The following MRPS28 variants were observed in gnomAD, a reference collection of about 807,000 sequenced individuals.
MRPS28 encodes mitochondrial ribosomal protein S28.
A neutral mutation model predicts 10.8 loss-of-function variants in MRPS28; 7 were observed. The observed-to-expected ratio is 0.65, with a 90% CI of 0.37 to 1.22. The LOEUF (loss-of-function observed/expected upper bound fraction) is 1.22. MRPS28 is among the 50% of genes most tolerant of loss of function. The pLI is 0.02. For synonymous variants in MRPS28, 121 were observed against 93.3 expected, an observed-to-expected ratio of 1.30 and a Z score of -1.71; for missense variants, 265 against 232.9, an observed-to-expected ratio of 1.14 and a Z score of -0.90.
At chr8:79,932,354 A>C (rs1806485077) in intron 2 of MRPS28, among the ~76,000 whole-genome samples, 1 of 152,212 alleles carries the variant, frequency 6.6e-6, no homozygotes, top group Admixed American at 6.5e-5. Flanking sequence ...AAGAGGGGAC[A>C]TTTAATGACA....
intron 1 of MRPS28, among the ~76,000 whole-genome samples, chr8:80,023,827 C>A (rs1022976576): frequency 6.6e-6 from 1 of 152,054 alleles, no homozygotes; most frequent in Non-Finnish European, 1.5e-5. Flanking sequence ...TAGCACAGCT[C>A]CCAATTGCCT....
At chr8:79,999,668 G>A (rs1298181585) in intron 2 of MRPS28, among the ~76,000 whole-genome samples, 1 of 152,166 alleles carries the variant, frequency 6.6e-6, no homozygotes, top group Non-Finnish European at 1.5e-5. Context: ...TCGATAAAGA[G>A]CTGGAGTTGT....
Position 80,004,301 on chromosome 8 carries a change from A to G in MRPS28, c.214-1121T>C, listed in dbSNP as rs186159901. ...TCTGAGACGAAGCTTCCAGAGGAAC[A>G]ATCAGGCAGCAACATTTGCTGTTCA... On this transcript the variant is annotated intron_variant, in intron 1 of 2. Transcript: ENST00000276585. Among the ~76,000 whole-genome samples the G allele has an allele frequency of 1.5e-3, 233 of 152,312 alleles. 1 individual carries two copies. The highest frequency in any genetic ancestry group is 2.5e-3 in the Non-Finnish European group (171 of 68,022).
chr8:79,945,836 C>T (rs1333668467), intron 2 of MRPS28, among the ~76,000 whole-genome samples: 2 of 152,042 alleles, frequency 1.3e-5, no homozygotes, highest in African/African-American at 4.8e-5. Flanking sequence ...TCAAGTAATC[C>T]TGTGCAAATT....
At chr8:79,921,862 C>G (rs985177950) in intron 2 of MRPS28, among the ~76,000 whole-genome samples, 5 of 152,092 alleles carry the variant, frequency 3.3e-5, no homozygotes, top group Admixed American at 6.6e-5. Flanking sequence ...TCTTGTGCCA[C>G]TTTTCAAAGG....
chr8:79,930,421 A>C (rs1806432380), intron 2 of MRPS28, among the ~76,000 whole-genome samples: 1 of 152,240 alleles, frequency 6.6e-6, no homozygotes, highest in Non-Finnish European at 1.5e-5. Flanking sequence ...ATATGTAGCA[A>C]GCATTCTATA....
chr8:80,029,886 G>C (rs1055678607), intron 1 of MRPS28, 150 bp downstream of exon 1: 2 of 1,536,498 alleles, frequency 1.3e-6, no homozygotes, highest in South Asian at 1.2e-5. Context: ...TAGGGGCCGA[G>C]GGCTGAGCCA....
intron 2 of MRPS28, among the ~76,000 whole-genome samples, chr8:79,935,828 C>G (rs951072476): frequency 6.6e-6 from 1 of 151,904 alleles, no homozygotes; most frequent in East Asian, 1.9e-4. Context: ...AAAGACTTTT[C>G]TGGTATGTTT....
In MRPS28 at chr8:79,980,107, C is replaced by A. The variant is rs181616152; in HGVS notation, c.395+22892G>T. Among the ~76,000 whole-genome samples the A allele has an allele frequency of 2.6e-3, 401 of 152,196 alleles. 4 individuals are homozygous for A. The highest frequency in any genetic ancestry group is 0.021 in the South Asian group (102 of 4,822). On this transcript the variant is annotated intron_variant, in intron 2 of 2. Transcript: ENST00000276585. The stretch of plus-strand genomic sequence containing the variant: ...TGTAAAGCATAGTATCTGTCTGACA[C>A]ATAGAAAAGGTTCAATAATGCCAGC...
At chr8:79,943,922 C>T (rs1167891136) in intron 2 of MRPS28, among the ~76,000 whole-genome samples, 1 of 152,024 alleles carries the variant, frequency 6.6e-6, no homozygotes, top group East Asian at 1.9e-4. Flanking sequence ...GCAAAAAAAA[C>T]AAAGACACAA....
chr8:79,930,825 T>G (rs1397522329), intron 2 of MRPS28, among the ~76,000 whole-genome samples: 1 of 152,234 alleles, frequency 6.6e-6, no homozygotes, highest in African/African-American at 2.4e-5. Context: ...ATTCTAAATA[T>G]CATCAATTGT....
At position 79,967,045 on chromosome 8, in the gene MRPS28, T is replaced by C. The variant is rs75271133; in HGVS notation, c.395+35954A>G. Reference sequence around the variant, plus strand: ...GCAATCTTGATTTGAGTAGTTCCTATCTAAGGTCAAACACTTCAAAAATTG... The same window carrying C: ...GCAATCTTGATTTGAGTAGTTCCTACCTAAGGTCAAACACTTCAAAAATTG... On this transcript the variant is annotated intron_variant, in intron 2 of 2. Coordinates refer to ENST00000276585, the MANE Select transcript of MRPS28 (RefSeq NM_014018.3). Among the ~76,000 whole-genome samples the C allele has an allele frequency of 2.2e-3, 339 of 152,274 alleles. 3 individuals carry two copies. Among genetic ancestry groups the C allele is most frequent in the African/African-American group, 7.9e-3 (327 of 41,560 alleles).
At chr8:79,999,772 G>A (rs1310353689) in intron 2 of MRPS28, among the ~76,000 whole-genome samples, 2 of 152,096 alleles carry the variant, frequency 1.3e-5, no homozygotes, top group African/African-American at 2.4e-5. Context: ...TGAAGATTGG[G>A]CACAGTTAGA....
chr8:79,984,403 G>A (rs562578827), intron 2 of MRPS28, among the ~76,000 whole-genome samples: 6 of 152,214 alleles, frequency 3.9e-5, no homozygotes, highest in Non-Finnish European at 5.9e-5. Flanking sequence ...CATAATGACA[G>A]GATCAAATTC....
intron 1 of MRPS28, among the ~76,000 whole-genome samples, chr8:80,029,466 T>C (rs7822247): frequency 0.052 from 7,932 of 152,272 alleles, 667 homozygotes; most frequent in African/African-American, 0.18. Flanking sequence ...AAGTACTGGC[T>C]GAGACAAACG....
chr8:79,927,525 T>C (rs191848847), intron 2 of MRPS28, among the ~76,000 whole-genome samples: 4 of 152,356 alleles, frequency 2.6e-5, no homozygotes, highest in Admixed American at 1.3e-4. Context: ...GGTTAAATCT[T>C]GTTTCTGTCT....
chr8:80,029,988 G>T, intron 1 of MRPS28, 48 bp downstream of exon 1: 1 of 1,593,434 alleles, frequency 6.3e-7, no homozygotes. Context: ...CGCCCACCGC[G>T]TCGTTGGCGT....
intron 2 of MRPS28, among the ~76,000 whole-genome samples, chr8:79,919,826 T>C (rs185966938): frequency 1.7e-3 from 262 of 152,304 alleles, no homozygotes; most frequent in East Asian, 9.6e-3. Flanking sequence ...ACTTTAAGTT[T>C]TAGGGTACAT....
chr8:79,995,169 T>C (rs746845217), intron 2 of MRPS28, among the ~76,000 whole-genome samples: 1 of 152,204 alleles, frequency 6.6e-6, no homozygotes, highest in Admixed American at 6.5e-5. Context: ...AGTCTGTATG[T>C]CACTAGCCTT....
Sources: gnomAD v4.1 joint callset for allele counts (sites outside exome capture counted in the v4.1 genomes callset) on GRCh38, gnomAD v4.1.1 for gene constraint, MANE v1.5 for transcripts, NCBI Gene and HGNC (gene_info 2026-07-23, HGNC 2026-07-21) for gene names.